FMN1: variants seen among roughly 807,000 people sequenced by gnomAD.
FMN1 encodes formin-1.
FMN1 carries 110 observed loss-of-function variants against 132.4 expected under a neutral mutation model. The ratio of observed to expected loss-of-function variants is 0.83; its 90% CI spans 0.71 to 0.97. The LOEUF (loss-of-function observed/expected upper bound fraction) is 0.97. Among genes scored for constraint, FMN1 ranks in the 50% least tolerant of loss-of-function variants. The pLI is 0.00. For synonymous variants in FMN1, 722 were observed against 651.7 expected, an observed-to-expected ratio of 1.11 and a Z score of -1.64; for missense variants, 1,792 against 1,705.3, an observed-to-expected ratio of 1.05 and a Z score of -0.90.
intron 10 of FMN1, among the ~76,000 whole-genome samples, chr15:32,925,256 T>A (rs2060930511): frequency 1.3e-5 from 2 of 152,196 alleles, no homozygotes; most frequent in South Asian, 4.1e-4. Flanking sequence ...ACATCATTAT[T>A]TTGAAAACTT....
chr15:33,180,744 C>CTTT (rs35033683), intron 2 of FMN1, among the ~76,000 whole-genome samples: 5,141 of 108,134 alleles, frequency 0.048, 433 homozygotes, highest in African/African-American at 0.15. Flanking sequence ...CTCCTGCTGC[C>CTTT]TTTTTTTTTT....
intron 9 of FMN1, among the ~76,000 whole-genome samples, chr15:32,963,906 T>A (rs1034890226): frequency 6.6e-6 from 1 of 151,132 alleles, no homozygotes; most frequent in Non-Finnish European, 1.5e-5. Context: ...CAACAGCATG[T>A]AATGAATTCC....
intron 4 of FMN1, among the ~76,000 whole-genome samples, chr15:33,134,518 T>C (rs1257072967): frequency 1.3e-5 from 2 of 152,216 alleles, no homozygotes; most frequent in African/African-American, 4.8e-5. Context: ...GCTGCTGCAC[T>C]ATGGGAGTTC....
Position 32,769,856 on chromosome 15 carries a change from T to TA in FMN1, c.*4453dup, listed in dbSNP as rs1291936114. The stretch of plus-strand genomic sequence containing the variant: ...GGGTCCCTAAAGGTAAAATAACTAA[T>TA]ACAAAACAAATTTTAAAAAGTGGAA... On this transcript the variant is annotated 3_prime_UTR_variant, in exon 21 of 21. Coordinates refer to ENST00000616417, the MANE Select transcript of FMN1 (RefSeq NM_001277313.2). 1 of 152,200 alleles carries TA rather than the reference T, an allele frequency of 6.6e-6. No individual in the cohort carries two copies. Among genetic ancestry groups the TA allele is most frequent in the Non-Finnish European group, 1.5e-5 (1 of 68,034 alleles). 9.4% of individuals were successfully genotyped at this position (152,200 alleles called of 1,614,324 possible). A position where few individuals can be genotyped will look rare whatever the true frequency, so the allele number is the denominator to read the frequency against.
intron 8 of FMN1, among the ~76,000 whole-genome samples, chr15:32,965,660 T>C (rs781624588): frequency 5.3e-5 from 8 of 152,252 alleles, no homozygotes; most frequent in Admixed American, 1.3e-4. Flanking sequence ...GTTCACACTT[T>C]GCAATAGATC....
chr15:33,072,782 G>A (rs1262857844), intron 5 of FMN1, among the ~76,000 whole-genome samples: 4 of 152,098 alleles, frequency 2.6e-5, no homozygotes, highest in Non-Finnish European at 5.9e-5. Flanking sequence ...AATTAGCCAG[G>A]CATGGTGGTG....
intron 17 of FMN1, among the ~76,000 whole-genome samples, chr15:32,831,982 A>G (rs1349260788): frequency 1.3e-5 from 2 of 152,212 alleles, no homozygotes; most frequent in African/African-American, 2.4e-5. Context: ...TCTTTAAAAC[A>G]TCATCATTTC....
At position 33,109,053 on chromosome 15, in the gene FMN1, A is replaced by T. The variant is rs2039596031; in HGVS notation, c.1868-20079T>A. On this transcript the variant is annotated intron_variant, in intron 4 of 20. Coordinates refer to ENST00000616417, the MANE Select transcript of FMN1 (RefSeq NM_001277313.2). Reference sequence around the variant, plus strand: ...AACTAAACAACCTAGCAAACTTGTCATAACTTTACCATTTATAACCTATTT... The same window carrying T: ...AACTAAACAACCTAGCAAACTTGTCTTAACTTTACCATTTATAACCTATTT... Among the ~76,000 whole-genome samples the T allele has an allele frequency of 2.0e-5, 3 of 152,132 alleles. No individual in the cohort carries two copies. The South Asian group carries it at 6.2e-4, about 31-fold the overall frequency.
Position 32,857,102 on chromosome 15 carries a change from C to T in FMN1, c.3841G>A (p.Glu1281Lys). 6.2e-7 allele frequency: 1 copy of T among 1,613,144 alleles called. No homozygotes were observed. The highest frequency in any genetic ancestry group is 2.2e-5 in the East Asian group (1 of 44,872). The change falls in exon 17 of 21, where the codon GAG becomes AAG. Residue 1281 changes from glutamate (E) to lysine (K), a missense_variant. Physicochemically the swap from Glu to Lys is moderately conservative, Grantham distance 56. This residue lies in a region of FMN1 where 1,150 missense variants were observed against 1,043.1 expected (regional missense o/e 1.10). Coordinates refer to ENST00000616417, the MANE Select transcript of FMN1 (RefSeq NM_001277313.2). Reference protein sequence around the residue: ...RKLKRQLEASEKQMVVVCKES... With the variant: ...RKLKRQLEASKKQMVVVCKES... ...TTGCACACCACCACCATCTGTTTCTCACTTGCTGTGAAGAGAAATTTAGAA... is the reference window on the plus strand; with the variant it reads ...TTGCACACCACCACCATCTGTTTCTTACTTGCTGTGAAGAGAAATTTAGAA...
At chr15:32,887,019 T>C (rs76302965) in intron 16 of FMN1, among the ~76,000 whole-genome samples, 2,723 of 152,258 alleles carry the variant, frequency 0.018, 86 homozygotes, top group African/African-American at 0.062. Context: ...CACGTTCCTT[T>C]AAAAATAATA....
chr15:32,945,592 C>T (rs531294876), intron 9 of FMN1, among the ~76,000 whole-genome samples: 4 of 152,264 alleles, frequency 2.6e-5, no homozygotes, highest in East Asian at 1.9e-4. Context: ...CTAATAATTA[C>T]GCCAAGCTGG....
At chr15:33,105,840 AGAACAGGGTGCC>A (rs1158676652) in intron 4 of FMN1, 3 of 152,202 alleles carry the variant, frequency 2.0e-5, no homozygotes, top group African/African-American at 7.2e-5. Flanking sequence ...AACGACTCAA[AGAACAGGGTGCC>A]TATGGCATCA....
At chr15:33,119,691 A>C (rs1341136438) in intron 4 of FMN1, among the ~76,000 whole-genome samples, 3 of 152,144 alleles carry the variant, frequency 2.0e-5, no homozygotes, top group Admixed American at 1.3e-4. Context: ...AACTTCCAAA[A>C]ATTTTTTCAT....
chr15:32,880,697 T>C (rs1418835928), intron 16 of FMN1, among the ~76,000 whole-genome samples: 2 of 152,160 alleles, frequency 1.3e-5, no homozygotes, highest in Non-Finnish European at 2.9e-5. Context: ...AATAGTTTGG[T>C]GGATATAAGG....
intron 7 of FMN1, among the ~76,000 whole-genome samples, chr15:32,974,072 C>T (rs1339421881): frequency 6.6e-6 from 1 of 152,270 alleles, no homozygotes; most frequent in East Asian, 1.9e-4. Flanking sequence ...ACAGATAATG[C>T]CAGGTCAAGG....
At chr15:33,009,752 A>C (rs1217252562) in intron 6 of FMN1, among the ~76,000 whole-genome samples, 1 of 152,198 alleles carries the variant, frequency 6.6e-6, no homozygotes, top group Non-Finnish European at 1.5e-5. Context: ...TTGATCAAGG[A>C]AGTAGAATAA....
intron 16 of FMN1, among the ~76,000 whole-genome samples, chr15:32,885,122 G>T (rs1453923925): frequency 6.6e-6 from 1 of 152,158 alleles, no homozygotes; most frequent in Non-Finnish European, 1.5e-5. Context: ...ATACACATCT[G>T]AACTCAAAGC....
chr15:33,007,068 T>C (rs540523093), intron 7 of FMN1, among the ~76,000 whole-genome samples: 3 of 152,330 alleles, frequency 2.0e-5, no homozygotes, highest in African/African-American at 7.2e-5. Context: ...TCTCACCGCA[T>C]ATAAATGATA....
At chr15:32,939,382 CAA>C (rs1272221064) in intron 9 of FMN1, among the ~76,000 whole-genome samples, 1 of 151,832 alleles carries the variant, frequency 6.6e-6, no homozygotes, top group Non-Finnish European at 1.5e-5. Flanking sequence ...GAAAAAAAGA[CAA>C]GAGTGAAGAA....
Sources: allele counts gnomAD v4.1 joint callset (sites outside exome capture counted in the v4.1 genomes callset), GRCh38; gene constraint gnomAD v4.1.1; regional missense constraint gnomAD v4.1.1; transcripts MANE v1.5; gene names NCBI Gene and HGNC (gene_info 2026-07-23, HGNC 2026-07-21).